The following EBF4 variants were observed in gnomAD, a reference collection of about 807,000 sequenced individuals.
EBF4 encodes the protein EBF transcription factor 4.
Under a neutral mutation model 67.1 loss-of-function variants are expected in EBF4, and 34 were observed. That is an observed-to-expected ratio of 0.51 (90% CI 0.39 to 0.67). The LOEUF is 0.67. EBF4 is among the 30% of genes least tolerant of loss of function. EBF4 has a pLI of 0.00. For missense variants in EBF4, 837 were observed against 873.3 expected, an observed-to-expected ratio of 0.96 and a Z score of 0.52; for synonymous variants, 387 against 377.7, an observed-to-expected ratio of 1.02 and a Z score of -0.29.
chr20:2,755,430 G>T lies in EBF4; in HGVS notation c.1541-197G>T. Reference sequence around the variant, plus strand: ...GTCTGGCCCTGTCATCCCCAGCCCCGAGAAAAGGTCTCCAGAACCGCTGAG... The same window carrying T: ...GTCTGGCCCTGTCATCCCCAGCCCCTAGAAAAGGTCTCCAGAACCGCTGAG... On this transcript the variant is annotated intron_variant, in intron 14 of 16. Transcript: ENST00000609451. This position sits in a 1 kb window ranked among gnomAD's most constrained non-coding sequence, Gnocchi z 4.7. 2 of 572,636 alleles carry T rather than the reference G, an allele frequency of 3.5e-6. No individual in the cohort carries two copies. Among genetic ancestry groups the T allele is most frequent in the African/African-American group, 1.9e-5 (1 of 53,072 alleles). 35.5% of individuals were successfully genotyped at this position (572,636 alleles called of 1,614,324 possible). A position where few individuals can be genotyped will look rare whatever the true frequency, so the allele number is the denominator to read the frequency against.
rs553505514 is a variant in EBF4 at position 2,707,250 on chromosome 20, C to T, written c.415-697C>T. On this transcript the variant is annotated intron_variant, in intron 4 of 16. Coordinates refer to ENST00000609451, the Ensembl canonical transcript of EBF4. This position sits in a 1 kb window ranked among gnomAD's most constrained non-coding sequence, Gnocchi z 4.6. Reference sequence around the variant, plus strand: ...CAAGGGGACGGGTGTGGAAGGGGTTCGAGGAAGTCCACAGAGAGAGGGATC... The same window carrying T: ...CAAGGGGACGGGTGTGGAAGGGGTTTGAGGAAGTCCACAGAGAGAGGGATC... 6.6e-6 allele frequency among the ~76,000 whole-genome samples: 1 copy of T among 151,924 alleles called. No individual in the cohort carries two copies. The highest frequency in any genetic ancestry group is 2.1e-4 in the South Asian group (1 of 4,804).
At chr20:2,700,047 G>A (rs544204405) in intron 1 of EBF4, among the ~76,000 whole-genome samples, 27 of 152,326 alleles carry the variant, frequency 1.8e-4, no homozygotes, top group Non-Finnish European at 2.1e-4. Flanking sequence ...AGTAACAGCC[G>A]TAGAAGCCCT....
intron 6 of EBF4, among the ~76,000 whole-genome samples, chr20:2,736,215 T>C (rs1278940522): frequency 6.6e-6 from 1 of 152,110 alleles, no homozygotes; most frequent in East Asian, 1.9e-4. Context: ...TCATAGCTCT[T>C]CTCTGGCTCC....
chr20:2,752,027 G>C, intron 12 of EBF4, 40 bp downstream of exon 12: 1 of 1,524,546 alleles, frequency 6.6e-7, no homozygotes, highest in Admixed American at 2.1e-5. Context: ...CGGGACCGGG[G>C]CCCCCCAGCA....
chr20:2,731,620 G>A (rs1322794651), intron 6 of EBF4, among the ~76,000 whole-genome samples: 4 of 152,164 alleles, frequency 2.6e-5, no homozygotes, highest in African/African-American at 7.2e-5. Flanking sequence ...GCTAGATAAC[G>A]GGGACAGCCA....
At chr20:2,692,826 GC>G, upstream of EBF4, 1 of 158,906 alleles carries the variant, frequency 6.3e-6, no homozygotes, top group East Asian at 1.9e-4. This position sits in a 1 kb window ranked among gnomAD's most constrained non-coding sequence, Gnocchi z 6.4. Flanking sequence ...GGCGGCGGCG[GC>G]GGCGGGATGG....
intron 6 of EBF4, among the ~76,000 whole-genome samples, chr20:2,744,054 A>C (rs2088008454): frequency 6.7e-6 from 1 of 150,156 alleles, no homozygotes; most frequent in Non-Finnish European, 1.5e-5. Flanking sequence ...CTCTACCTCC[A>C]GGTCATCAAA....
At chr20:2,743,415 A>T (rs989976956) in intron 6 of EBF4, among the ~76,000 whole-genome samples, 1 of 152,232 alleles carries the variant, frequency 6.6e-6, no homozygotes, top group Non-Finnish European at 1.5e-5. Context: ...AGGAGCCTTT[A>T]GGGGCGGGTC....
intron 6 of EBF4, 106 bp from the exon 7 acceptor site, chr20:2,748,443 C>T: frequency 5.6e-6 from 6 of 1,066,102 alleles, no homozygotes; most frequent in Non-Finnish European, 8.3e-6. Context: ...TGGGAGCAGG[C>T]AGAGGGGACT....
chr20:2,724,705 G>C (rs2087726222), intron 6 of EBF4, among the ~76,000 whole-genome samples: 1 of 152,164 alleles, frequency 6.6e-6, no homozygotes, highest in Non-Finnish European at 1.5e-5. Flanking sequence ...AGGAGTTTGA[G>C]ACCAGCCTGT....
At chr20:2,706,674 G>A (rs913537102) in intron 4 of EBF4, among the ~76,000 whole-genome samples, 3 of 152,122 alleles carry the variant, frequency 2.0e-5, no homozygotes, top group African/African-American at 7.2e-5. Flanking sequence ...TTTGCACCCC[G>A]TATCAATTAG....
intron 6 of EBF4, among the ~76,000 whole-genome samples, chr20:2,712,451 A>G (rs1225749768): frequency 6.6e-6 from 1 of 152,222 alleles, no homozygotes; most frequent in African/African-American, 2.4e-5. Flanking sequence ...TTTCTGACCT[A>G]TCAACTTAGA....
At chr20:2,697,619 G>A (rs573422851) in intron 1 of EBF4, among the ~76,000 whole-genome samples, 3 of 152,152 alleles carry the variant, frequency 2.0e-5, no homozygotes, top group Non-Finnish European at 4.4e-5. Flanking sequence ...GGAGGCAATG[G>A]GGATGGGAAC....
chr20:2,737,100 A>G (rs552444701), intron 6 of EBF4, among the ~76,000 whole-genome samples: 1 of 151,280 alleles, frequency 6.6e-6, no homozygotes, highest in Non-Finnish European at 1.5e-5. Flanking sequence ...ATACCAAAAA[A>G]TTAGCCGGGC....
At chr20:2,748,741 C>A in intron 7 of EBF4, 111 bp downstream of exon 7, 1 of 1,255,276 alleles carries the variant, frequency 8.0e-7, no homozygotes, top group Non-Finnish European at 1.1e-6. Context: ...GCCTCCAAGG[C>A]AGATCTCTGC....
Position 2,755,608 on chromosome 20 carries a change from T to TCCC in EBF4, c.1541-17_1541-15dup. On this transcript the variant is annotated intron_variant, in intron 14 of 16. Coordinates refer to ENST00000609451, the Ensembl canonical transcript of EBF4. The surrounding 1 kb of genome is among the most constrained non-coding windows in gnomAD (Gnocchi z 4.7). ...CCACCTTCCCTGCTGCGCCTGCCCCTCCCCGCCCCGCCCCGGAGTCATGCC... is the reference window on the plus strand; with the variant it reads ...CCACCTTCCCTGCTGCGCCTGCCCCTCCCCCCCGCCCCGCCCCGGAGTCATGCC... 5.4e-6 allele frequency: 3 copies of TCCC among 559,530 alleles called. No homozygotes were observed. The highest frequency in any genetic ancestry group is 1.8e-5 in the South Asian group (1 of 56,838). 34.7% of individuals were successfully genotyped at this position (559,530 alleles called of 1,614,324 possible). A position where few individuals can be genotyped will look rare whatever the true frequency, so the allele number is the denominator to read the frequency against.
intron 6 of EBF4, among the ~76,000 whole-genome samples, chr20:2,734,560 T>C (rs900891556): frequency 3.9e-5 from 6 of 152,240 alleles, no homozygotes; most frequent in African/African-American, 1.4e-4. Context: ...ACTGGACATT[T>C]TAATCATATA....
At chr20:2,750,498 A>AC (rs1300034514) in intron 10 of EBF4, among the ~76,000 whole-genome samples, 3 of 150,360 alleles carry the variant, frequency 2.0e-5, no homozygotes, top group Non-Finnish European at 4.4e-5. Context: ...GCAGTGTAGA[A>AC]CCCCCCAGCC....
chr20:2,749,958 C>T (rs1437942676), exon 10 of EBF4: 4 of 1,550,950 alleles, frequency 2.6e-6, no homozygotes, highest in East Asian at 2.4e-5. Flanking sequence ...ATGCCCCGGC[C>T]GCTTTGTCTA....
Sources: gnomAD v4.1 joint callset for allele counts (sites outside exome capture counted in the v4.1 genomes callset) on GRCh38, gnomAD v4.1.1 for gene constraint, Gnocchi (gnomAD v3.1) non-coding constraint, MANE v1.5 for transcripts, NCBI Gene and HGNC (gene_info 2026-07-23, HGNC 2026-07-21) for gene names.